GABRG3: variants seen among roughly 807,000 people sequenced by gnomAD.
The protein encoded by GABRG3 is gamma-aminobutyric acid type A receptor subunit gamma3.
GABRG3 carries 25 observed loss-of-function variants against 48.8 expected under a neutral mutation model. That is an observed-to-expected ratio of 0.51 (90% CI 0.37 to 0.72). The LOEUF (loss-of-function observed/expected upper bound fraction) is 0.72, where lower values mean the gene tolerates loss of function less well. Ranked by LOEUF, GABRG3 falls within the 30% of genes least tolerant of loss-of-function variation. The probability of loss-of-function intolerance (pLI) is 0.00; values close to 1 mark genes in which losing one functional copy is unlikely to be tolerated. For missense variants in GABRG3, 394 were observed against 577.9 expected (o/e 0.68, Z 3.26); for synonymous variants, 227 against 217.6 (o/e 1.04, Z -0.38).
chr15:27,286,929 G>A (rs1891632780), intron 3 of GABRG3, among the ~76,000 whole-genome samples: 1 of 152,114 alleles, frequency 6.6e-6, no homozygotes. Flanking sequence ...CTAGAACTGG[G>A]CGTGTAATAG....
intron 5 of GABRG3, among the ~76,000 whole-genome samples, chr15:27,355,020 T>G (rs1404118532): frequency 6.6e-6 from 1 of 152,172 alleles, no homozygotes; most frequent in African/African-American, 2.4e-5. Flanking sequence ...CCAATAATTA[T>G]GAGAGGGCAA....
intron 5 of GABRG3, among the ~76,000 whole-genome samples, chr15:27,411,449 T>G (rs80025883): frequency 6.6e-6 from 1 of 152,154 alleles, no homozygotes; most frequent in African/African-American, 2.4e-5. Flanking sequence ...GGAATGAGAA[T>G]TGGCCAACTT....
intron 3 of GABRG3, among the ~76,000 whole-genome samples, chr15:27,142,071 C>T (rs901636084): frequency 1.3e-5 from 2 of 152,050 alleles, no homozygotes; most frequent in African/African-American, 2.4e-5. Context: ...TTCAGATGTC[C>T]TCTTTTTAAT....
intron 2 of GABRG3, among the ~76,000 whole-genome samples, chr15:27,008,338 T>G (rs1367497873): frequency 1.3e-5 from 2 of 152,214 alleles, no homozygotes; most frequent in African/African-American, 2.4e-5. Context: ...TCACTCTCAA[T>G]AGTCTCATAT....
intron 3 of GABRG3, among the ~76,000 whole-genome samples, chr15:27,089,654 A>G (rs1254959521): frequency 2.0e-5 from 3 of 152,200 alleles, no homozygotes; most frequent in African/African-American, 7.2e-5. Context: ...CCCCGAGCAC[A>G]GGGCACAGTG....
rs180950873 is a variant in GABRG3, at chr15:27,484,289, C to T, written c.712+3502C>T. Among the ~76,000 whole-genome samples, 13 of 152,228 alleles carry T rather than the reference C, an allele frequency of 8.5e-5. No homozygotes were observed. The East Asian group carries it at 1.7e-3, about 20-fold the overall frequency. On this transcript the variant is annotated intron_variant, in intron 6 of 9. Coordinates refer to ENST00000615808, the MANE Select transcript of GABRG3 (RefSeq NM_033223.5). Reference sequence around the variant, plus strand: ...TATATCTATATCTATCTACCAATTGCAATAAGTAAACCTCCTACATTTTTT... The same window carrying T: ...TATATCTATATCTATCTACCAATTGTAATAAGTAAACCTCCTACATTTTTT...
At chr15:27,133,807 C>A (rs1268438593) in intron 3 of GABRG3, among the ~76,000 whole-genome samples, 1 of 152,128 alleles carries the variant, frequency 6.6e-6, no homozygotes, top group African/African-American at 2.4e-5. Flanking sequence ...CATGATAAAT[C>A]ATTTTTGTTG....
In GABRG3 at chr15:27,180,635, G is replaced by A. The variant is rs1477295055; in HGVS notation, c.271-146174G>A. On this transcript the variant is annotated intron_variant, in intron 3 of 9. Transcript: ENST00000615808. This position sits in a 1 kb window ranked among gnomAD's most constrained non-coding sequence, Gnocchi z 4.2. Reference sequence around the variant, plus strand: ...AAGGTGAACTTACACATTGTGCCATGTGTGTGTCTGTCTGTGTGTGTTTGT... The same window carrying A: ...AAGGTGAACTTACACATTGTGCCATATGTGTGTCTGTCTGTGTGTGTTTGT... Among the ~76,000 whole-genome samples the A allele has an allele frequency of 6.8e-6, 1 of 146,884 alleles. No individual in the cohort carries two copies. The highest frequency in any genetic ancestry group is 2.4e-5 in the African/African-American group (1 of 41,026).
intron 2 of GABRG3, among the ~76,000 whole-genome samples, chr15:26,981,291 A>T (rs555824051): frequency 6.6e-6 from 1 of 152,330 alleles, no homozygotes; most frequent in African/African-American, 2.4e-5. Flanking sequence ...GTGTGCTTTT[A>T]GTTTCCAAGT....
chr15:27,257,213 A>C (rs575511346), intron 3 of GABRG3, among the ~76,000 whole-genome samples: 2 of 150,240 alleles, frequency 1.3e-5, no homozygotes, highest in Non-Finnish European at 3.0e-5. Context: ...TTTTTTTGAG[A>C]GGTGTCTCTT....
chr15:27,012,057 ATAG>A (rs1895698843), intron 2 of GABRG3, among the ~76,000 whole-genome samples: 1 of 152,128 alleles, frequency 6.6e-6, no homozygotes, highest in Non-Finnish European at 1.5e-5. Context: ...TAATTTATTA[ATAG>A]TGTAAAGAAT....
intron 5 of GABRG3, among the ~76,000 whole-genome samples, chr15:27,458,419 C>T (rs986945894): frequency 2.0e-5 from 3 of 152,164 alleles, no homozygotes; most frequent in Non-Finnish European, 2.9e-5. Context: ...TTGAAATAGT[C>T]GAAATGGCCT....
chr15:27,146,256 C>T (rs1438921698), intron 3 of GABRG3, among the ~76,000 whole-genome samples: 1 of 152,112 alleles, frequency 6.6e-6, no homozygotes, highest in Non-Finnish European at 1.5e-5. Flanking sequence ...AGATTGAGAC[C>T]AGCCTGGCTA....
At chr15:27,386,075 G>T (rs1595718704) in intron 5 of GABRG3, among the ~76,000 whole-genome samples, 1 of 152,254 alleles carries the variant, frequency 6.6e-6, no homozygotes, top group East Asian at 1.9e-4. Flanking sequence ...TAAGTCTGTG[G>T]CATGTTTACC....
intron 3 of GABRG3, among the ~76,000 whole-genome samples, chr15:27,074,339 C>G (rs200463387): frequency 0.21 from 31,286 of 151,810 alleles, 3,349 homozygotes; most frequent in Middle Eastern, 0.27. Flanking sequence ...CGTCAGAGCC[C>G]CAAGAGAGAG....
intron 5 of GABRG3, among the ~76,000 whole-genome samples, chr15:27,413,507 C>T (rs1022279872): frequency 6.6e-6 from 1 of 152,150 alleles, no homozygotes; most frequent in Non-Finnish European, 1.5e-5. Context: ...GTCACCTGTG[C>T]TTGATGTAGC....
intron 3 of GABRG3, among the ~76,000 whole-genome samples, chr15:27,269,938 A>G (rs1891030808): frequency 6.6e-6 from 1 of 152,236 alleles, no homozygotes; most frequent in South Asian, 2.1e-4. Context: ...ATAAACTAAT[A>G]TTAACTATAA....
chr15:27,048,131 AG>A (rs1292442789), intron 3 of GABRG3, among the ~76,000 whole-genome samples: 1 of 152,050 alleles, frequency 6.6e-6, no homozygotes, highest in Non-Finnish European at 1.5e-5. Context: ...GGGGTGCTGC[AG>A]GGGGGTGAGT....
At chr15:27,396,459 C>T (rs553694907) in intron 5 of GABRG3, among the ~76,000 whole-genome samples, 5 of 152,296 alleles carry the variant, frequency 3.3e-5, no homozygotes, top group African/African-American at 9.6e-5. Flanking sequence ...AGTACCAATA[C>T]GCACCTATTA....
Sources: gnomAD v4.1 joint callset for allele counts (sites outside exome capture counted in the v4.1 genomes callset) on GRCh38, gnomAD v4.1.1 for gene constraint, Gnocchi (gnomAD v3.1) non-coding constraint, MANE v1.5 for transcripts, NCBI Gene and HGNC (gene_info 2026-07-23, HGNC 2026-07-21) for gene names.